Variants in TDRD12 observed in about 807,000 individuals in gnomAD.
The protein encoded by TDRD12 is putative ATP-dependent RNA helicase TDRD12.
Under a neutral mutation model 133.5 loss-of-function variants are expected in TDRD12, and 158 were observed. The ratio of observed to expected loss-of-function variants is 1.18; its 90% CI spans 1.04 to 1.35. The LOEUF (loss-of-function observed/expected upper bound fraction) is 1.35, where lower values mean the gene tolerates loss of function less well. TDRD12 is among the 40% of genes most tolerant of loss of function. The pLI is 0.00. For missense variants in TDRD12, 1,443 were observed against 1,321.3 expected (o/e 1.09, Z -1.43); for synonymous variants, 460 against 477.9 (o/e 0.96, Z 0.49).
At chr19:32,803,052 A>T in exon 21 of TDRD12, 1 of 1,536,146 alleles carries the variant, frequency 6.5e-7, no homozygotes, top group African/African-American at 1.4e-5. Flanking sequence ...GCAGAGCTGT[A>T]CGAGTTCACC....
chr19:32,809,273 C>T (rs553990178), intron 22 of TDRD12, among the ~76,000 whole-genome samples: 1 of 152,150 alleles, frequency 6.6e-6, no homozygotes, highest in Non-Finnish European at 1.5e-5. Flanking sequence ...CAGCCTTCAC[C>T]CACTGTGGAG....
intron 8 of TDRD12, among the ~76,000 whole-genome samples, chr19:32,768,943 A>G (rs1399153877): frequency 6.6e-6 from 1 of 152,092 alleles, no homozygotes. Flanking sequence ...GAGTCTCCAT[A>G]TGCTGGCCAG....
intron 1 of TDRD12, among the ~76,000 whole-genome samples, chr19:32,728,851 G>T (rs1195955486): frequency 7.4e-6 from 1 of 135,820 alleles, no homozygotes; most frequent in African/African-American, 2.8e-5. Context: ...GTTTCACCAT[G>T]TTAGCCAGGA....
At chr19:32,797,207 C>T (rs1283694954) in intron 14 of TDRD12, among the ~76,000 whole-genome samples, 2 of 152,126 alleles carry the variant, frequency 1.3e-5, no homozygotes, top group Non-Finnish European at 2.9e-5. Context: ...TCTCACACTC[C>T]TGACCTCGGG....
At chr19:32,746,607 T>C in intron 4 of TDRD12, among the ~76,000 whole-genome samples, 1 of 146,458 alleles carries the variant, frequency 6.8e-6, no homozygotes, top group East Asian at 2.1e-4. Context: ...ATGTGGTTAT[T>C]CTGTGTGTGT....
At chr19:32,741,132 G>A (rs1326091402) in intron 3 of TDRD12, among the ~76,000 whole-genome samples, 1 of 152,182 alleles carries the variant, frequency 6.6e-6, no homozygotes, top group African/African-American at 2.4e-5. Flanking sequence ...TCCCAGGCTG[G>A]AATGCAGTGG....
At chr19:32,803,266 G>A (rs1467255278) in intron 21 of TDRD12, 124 bp downstream of exon 21, 1 of 702,210 alleles carries the variant, frequency 1.4e-6, no homozygotes, top group Non-Finnish European at 2.3e-6. Context: ...AGCAGTCTGG[G>A]GGTTCCCTCG....
At chr19:32,779,547 C>A (rs1404836077) in intron 11 of TDRD12, among the ~76,000 whole-genome samples, 1 of 152,028 alleles carries the variant, frequency 6.6e-6, no homozygotes, top group African/African-American at 2.4e-5. Context: ...GGGCCCACAC[C>A]CAGGTTTAAG....
chr19:32,784,821 G>C (rs189022266), intron 11 of TDRD12, among the ~76,000 whole-genome samples: 31 of 152,300 alleles, frequency 2.0e-4, no homozygotes, highest in Admixed American at 8.5e-4. Context: ...TGTGGGATCA[G>C]TGGTGATATC....
At chr19:32,767,741 T>G (rs1401964508) in intron 8 of TDRD12, among the ~76,000 whole-genome samples, 2 of 152,134 alleles carry the variant, frequency 1.3e-5, no homozygotes, top group Non-Finnish European at 2.9e-5. Flanking sequence ...TCTCTCTCAT[T>G]TCTTTGGCCA....
intron 1 of TDRD12, 67 bp downstream of exon 1, chr19:32,720,163 C>G: frequency 6.8e-7 from 1 of 1,462,946 alleles, no homozygotes; most frequent in Non-Finnish European, 9.0e-7. Flanking sequence ...CAGCCGCGCA[C>G]AGCCTCCCAC....
chr19:32,810,986 T>A (rs1472450849), intron 23 of TDRD12, among the ~76,000 whole-genome samples: 1 of 152,236 alleles, frequency 6.6e-6, no homozygotes, highest in African/African-American at 2.4e-5. Flanking sequence ...TGTTGTTAGA[T>A]AAAAGGATTT....
At chr19:32,804,367 C>T (rs914909055) in intron 21 of TDRD12, among the ~76,000 whole-genome samples, 2 of 151,284 alleles carry the variant, frequency 1.3e-5, no homozygotes, top group Non-Finnish European at 1.5e-5. Context: ...CCACCGCGCC[C>T]AGCCTGATGA....
intron 3 of TDRD12, among the ~76,000 whole-genome samples, chr19:32,741,695 A>G (rs1969432164): frequency 1.3e-5 from 2 of 152,168 alleles, no homozygotes; most frequent in Admixed American, 1.3e-4. Flanking sequence ...CAGGCTGCCC[A>G]GACAAGGCAT....
At chr19:32,788,973 G>A (rs2145655590) in intron 11 of TDRD12, among the ~76,000 whole-genome samples, 1 of 152,336 alleles carries the variant, frequency 6.6e-6, no homozygotes, top group Non-Finnish European at 1.5e-5. Context: ...TTTCAGTTCA[G>A]CACCTCTGTT....
chr19:32,789,414 G>A (rs760410196), intron 11 of TDRD12, among the ~76,000 whole-genome samples: 1 of 152,016 alleles, frequency 6.6e-6, no homozygotes, highest in Non-Finnish European at 1.5e-5. Context: ...ACCCATTAGC[G>A]GTCACCCTCC....
downstream of TDRD12, among the ~76,000 whole-genome samples, chr19:32,823,385 G>T (rs1045767407): frequency 6.0e-5 from 9 of 150,708 alleles, no homozygotes; most frequent in South Asian, 4.1e-4. Flanking sequence ...GCTTTTTTTT[G>T]GGGGGTGGGA....
chr19:32,774,716 C>T (rs1970531895), intron 10 of TDRD12, among the ~76,000 whole-genome samples: 1 of 152,108 alleles, frequency 6.6e-6, no homozygotes, highest in African/African-American at 2.4e-5. Context: ...CATGGTGGCT[C>T]ACGCCTGTAT....
chr19:32,755,663 C>T (rs1434450045), intron 6 of TDRD12, among the ~76,000 whole-genome samples: 2 of 152,246 alleles, frequency 1.3e-5, no homozygotes, highest in Admixed American at 6.5e-5. Context: ...TTGAGCAAAT[C>T]CAATGTAACA....
Sources: allele counts gnomAD v4.1 joint callset (sites outside exome capture counted in the v4.1 genomes callset), GRCh38; gene constraint gnomAD v4.1.1; transcripts MANE v1.5; gene names NCBI Gene and HGNC (gene_info 2026-07-23, HGNC 2026-07-21).